The following DYSF variants were observed in gnomAD, a reference collection of about 807,000 sequenced individuals.
DYSF encodes dystrophy-associated fer-1-like 1.
Under a neutral mutation model 274.9 loss-of-function variants are expected in DYSF, and 212 were observed. The observed-to-expected ratio is 0.77, with a 90% CI of 0.69 to 0.86. DYSF has a LOEUF of 0.86. DYSF is among the 40% of genes least tolerant of loss of function. The pLI is 0.00. For missense variants in DYSF, 2,666 were observed against 2,783.2 expected, an observed-to-expected ratio of 0.96 and a Z score of 0.95; for synonymous variants, 1,091 against 1,078.7, an observed-to-expected ratio of 1.01 and a Z score of -0.22.
chr2:71,679,026 C>T (rs1374039093), intron 52 of DYSF, 31 bp from the exon 53 acceptor site: 1 of 1,611,760 alleles, frequency 6.2e-7, no homozygotes. Flanking sequence ...GATCGAGAAA[C>T]CCTTGGCCAA....
At chr2:71,648,928 A>G (rs1038378192) in intron 42 of DYSF, among the ~76,000 whole-genome samples, 2 of 152,162 alleles carry the variant, frequency 1.3e-5, no homozygotes, top group Non-Finnish European at 1.5e-5. Context: ...CATAAAGGCT[A>G]CAGATAACCA....
At chr2:71,517,507 C>A (rs190738652) in intron 10 of DYSF, among the ~76,000 whole-genome samples, 255 of 151,984 alleles carry the variant, frequency 1.7e-3, no homozygotes, top group Middle Eastern at 3.4e-3. Context: ...TGTATAGCAC[C>A]TTTGGTCACA....
intron 36 of DYSF, among the ~76,000 whole-genome samples, chr2:71,605,742 C>G (rs1055344084): frequency 3.3e-5 from 5 of 152,134 alleles, no homozygotes; most frequent in African/African-American, 1.2e-4. Context: ...GGGTACTCTC[C>G]TGTACCCCCA....
intron 51 of DYSF, among the ~76,000 whole-genome samples, chr2:71,672,912 G>C (rs1361771357): frequency 6.6e-6 from 1 of 152,256 alleles, no homozygotes; most frequent in Admixed American, 6.5e-5. Context: ...CAGCAGTCCA[G>C]GCCGTGGCTG....
intron 32 of DYSF, among the ~76,000 whole-genome samples, chr2:71,591,930 G>A (rs184621364): frequency 1.5e-4 from 23 of 152,380 alleles, no homozygotes; most frequent in South Asian, 4.1e-4. Flanking sequence ...CCCTCTGCAA[G>A]TGTATATAGC....
At chr2:71,502,003 G>A (rs10168212) in intron 3 of DYSF, among the ~76,000 whole-genome samples, 79,472 of 151,600 alleles carry the variant, frequency 0.52, 21,830 homozygotes, top group Non-Finnish European at 0.61. Flanking sequence ...CACCGTTTAC[G>A]TCCCTACACA....
chr2:71,675,991 G>A (rs1009105856), intron 52 of DYSF, among the ~76,000 whole-genome samples: 8 of 152,026 alleles, frequency 5.3e-5, no homozygotes, highest in Admixed American at 2.6e-4. Context: ...AGTAGGTATC[G>A]ATCTGCATTT....
chr2:71,673,028 C>G (rs1052192010), intron 51 of DYSF, among the ~76,000 whole-genome samples: 3 of 152,186 alleles, frequency 2.0e-5, no homozygotes, highest in African/African-American at 7.2e-5. Context: ...GGTGGCCACA[C>G]AGCAGGCCCT....
chr2:71,549,458 G>A, intron 17 of DYSF: 1 of 1,500,478 alleles, frequency 6.7e-7, no homozygotes, highest in Non-Finnish European at 9.2e-7. Flanking sequence ...GAGGGGCGAG[G>A]GTGCTGGAGG....
At position 71,664,349 on chromosome 2, in the gene DYSF, C is replaced by G. The variant is rs375326769; in HGVS notation, c.5085C>G (p.Asp1695Glu). The change falls in exon 46 of 56, where the codon GAC becomes GAG. Residue 1695 changes from aspartate to glutamate, a missense_variant. Coordinates refer to ENST00000410020, the MANE Select transcript of DYSF (RefSeq NM_001130987.2). ...TLYDYDLLSKDEKIGETVVDL... is the reference protein window; with the variant it reads ...TLYDYDLLSKEEKIGETVVDL... ...ATGACTATGACCTCCTCTCCAAGGACGAAAAGATCGGTGAGACGGTCGTCG... is the reference window on the plus strand; with the variant it reads ...ATGACTATGACCTCCTCTCCAAGGAGGAAAAGATCGGTGAGACGGTCGTCG... 1 of 1,614,050 alleles carries G rather than the reference C, an allele frequency of 6.2e-7. No individual in the cohort carries two copies. The highest frequency in any genetic ancestry group is 1.1e-5 in the South Asian group (1 of 91,082).
At chr2:71,572,296 C>T (rs1208859770) in intron 29 of DYSF, among the ~76,000 whole-genome samples, 2 of 149,922 alleles carry the variant, frequency 1.3e-5, no homozygotes, top group African/African-American at 2.5e-5. Flanking sequence ...AGCACACCCA[C>T]AGATCACACC....
rs181171505 is a variant in DYSF at position 71,554,011 on chromosome 2, C to A, written c.2109+80C>A. On this transcript the variant is annotated intron_variant, in intron 21 of 55. Transcript: ENST00000410020. ...CGCTGCATGGGGTGTCTCAGACCAC[C>A]ACCCACTGGTGCACACACTGACACA... The A allele has an allele frequency of 5.8e-3, 9,235 of 1,600,416 alleles. 40 individuals carry two copies. Among genetic ancestry groups the A allele is most frequent in the Non-Finnish European group, 7.2e-3 (8,377 of 1,170,698 alleles).
At chr2:71,503,082 C>G in intron 3 of DYSF, 132 bp from the exon 4 acceptor site, 1 of 820,310 alleles carries the variant, frequency 1.2e-6, no homozygotes, top group Non-Finnish European at 2.1e-6. Context: ...GCAGGAGAGC[C>G]CTCGTGGGGT....
intron 17 of DYSF, among the ~76,000 whole-genome samples, chr2:71,542,182 A>G (rs1389538084): frequency 6.6e-6 from 1 of 152,208 alleles, no homozygotes; most frequent in Non-Finnish European, 1.5e-5. Flanking sequence ...GGTTGTAAAA[A>G]TCATGAGGTT....
intron 24 of DYSF, 39 bp downstream of exon 24, chr2:71,564,252 C>T: frequency 6.2e-7 from 1 of 1,612,996 alleles, no homozygotes; most frequent in Admixed American, 1.7e-5. Flanking sequence ...TCGTATTTTT[C>T]CCAACATAAG....
At chr2:71,476,025 G>GC (rs746720028) in intron 1 of DYSF, among the ~76,000 whole-genome samples, 10 of 152,126 alleles carry the variant, frequency 6.6e-5, no homozygotes, top group Non-Finnish European at 1.5e-4. Flanking sequence ...TCCCACCTCA[G>GC]CCTCCCAAAC....
Position 71,600,681 on chromosome 2 carries a change from GTC to G in DYSF, c.3757-15_3757-14del, listed in dbSNP as rs750092950. 6.2e-7 allele frequency: 1 copy of G among 1,614,000 alleles called. No individual in the cohort carries two copies. Among genetic ancestry groups the G allele is most frequent in the South Asian group, 1.1e-5 (1 of 91,088 alleles). On this transcript the variant is annotated intron_variant, in intron 33 of 55. Coordinates refer to ENST00000410020, the MANE Select transcript of DYSF (RefSeq NM_001130987.2). ...CCCTGGGTAAGGGATGCTGATTCTT[GTC>G]TCTCTACGCTTGGTCTAGGGTGCAG... is the stretch of plus-strand genomic sequence containing the variant.
chr2:71,464,091 C>T (rs952697189), upstream of DYSF, among the ~76,000 whole-genome samples: 9 of 152,326 alleles, frequency 5.9e-5, no homozygotes, highest in African/African-American at 2.2e-4. Context: ...CCTTTACCGA[C>T]CTTCCACTTC....
intron 41 of DYSF, among the ~76,000 whole-genome samples, chr2:71,643,002 C>G (rs567754167): frequency 1.3e-5 from 2 of 152,308 alleles, no homozygotes; most frequent in African/African-American, 4.8e-5. Context: ...CTTGGCCCTT[C>G]CCACTAAACC....
Sources: allele counts gnomAD v4.1 joint callset (sites outside exome capture counted in the v4.1 genomes callset), GRCh38; gene constraint gnomAD v4.1.1; transcripts MANE v1.5; gene names NCBI Gene and HGNC (gene_info 2026-07-23, HGNC 2026-07-21).